KCNB2: variants seen among roughly 807,000 people sequenced by gnomAD.
KCNB2 encodes delayed rectifier potassium channel protein.
A neutral mutation model predicts 61.5 loss-of-function variants in KCNB2; 15 were observed. The ratio of observed to expected loss-of-function variants is 0.24; its 90% CI spans 0.16 to 0.38. The LOEUF is 0.38. Ranked by LOEUF, KCNB2 falls within the 10% of genes least tolerant of loss-of-function variation. The pLI is 1.00. For synonymous variants in KCNB2, 457 were observed against 446.0 expected (o/e 1.02, Z -0.31); for missense variants, 828 against 1,125.2 (o/e 0.74, Z 3.78).
At chr8:72,851,845 A>AAAC (rs1810121312) in intron 2 of KCNB2, among the ~76,000 whole-genome samples, 2 of 147,914 alleles carry the variant, frequency 1.4e-5, no homozygotes, top group African/African-American at 5.1e-5. Flanking sequence ...AAAAAAAAAA[A>AAAC]AAACACGTAC....
intron 2 of KCNB2, among the ~76,000 whole-genome samples, chr8:72,792,921 T>G (rs1808970098): frequency 6.6e-6 from 1 of 152,232 alleles, no homozygotes; most frequent in Non-Finnish European, 1.5e-5. Context: ...TGATTAAATA[T>G]CTTAGAATTT....
chr8:72,672,929 C>T (rs1806589397), intron 2 of KCNB2, among the ~76,000 whole-genome samples: 1 of 152,140 alleles, frequency 6.6e-6, no homozygotes, highest in African/African-American at 2.4e-5. Flanking sequence ...AATTAGAACT[C>T]TTGTGCCTTG....
intron 2 of KCNB2, among the ~76,000 whole-genome samples, chr8:72,600,515 G>A (rs1246234000): frequency 1.3e-5 from 2 of 151,744 alleles, no homozygotes; most frequent in East Asian, 3.9e-4. Flanking sequence ...AATGGGTGCA[G>A]CACACTAACA....
Position 72,835,032 on chromosome 8 carries a change from C to A in KCNB2, c.580-100903C>A, listed in dbSNP as rs117558807. ...GTGAGGCTCATTCCTCCTGTTCCAA[C>A]AACAATTTTACCTTTGTAGAGTAAC... On this transcript the variant is annotated intron_variant, in intron 2 of 2. Transcript: ENST00000523207. Among the ~76,000 whole-genome samples, 220 of 152,192 alleles carry A rather than the reference C, an allele frequency of 1.4e-3. 4 individuals carry two copies. The East Asian group carries it at 0.033, about 23-fold the overall frequency.
chr8:72,570,991 A>G (rs930055422), intron 2 of KCNB2, among the ~76,000 whole-genome samples: 3 of 152,240 alleles, frequency 2.0e-5, no homozygotes, highest in East Asian at 1.9e-4. Flanking sequence ...CTGGGATTTC[A>G]TATTATTGAA....
intron 2 of KCNB2, among the ~76,000 whole-genome samples, chr8:72,571,009 TTG>T (rs1465676100): frequency 6.6e-6 from 1 of 152,240 alleles, no homozygotes; most frequent in African/African-American, 2.4e-5. Flanking sequence ...GAAAATATTC[TTG>T]TGTTTTTCTC....
chr8:72,924,630 G>A (rs189533554), intron 2 of KCNB2, among the ~76,000 whole-genome samples: 51 of 152,116 alleles, frequency 3.4e-4, no homozygotes, highest in African/African-American at 1.1e-3. Context: ...GAAAATGTCC[G>A]CATCAGACAG....
chr8:72,742,926 G>A (rs549289129), intron 2 of KCNB2, among the ~76,000 whole-genome samples: 1 of 152,320 alleles, frequency 6.6e-6, no homozygotes, highest in African/African-American at 2.4e-5. Context: ...TGCCATTGGG[G>A]TTGGGGTGGA....
intron 2 of KCNB2, among the ~76,000 whole-genome samples, chr8:72,929,801 T>C (rs1806739318): frequency 6.6e-6 from 1 of 152,132 alleles, no homozygotes; most frequent in Admixed American, 6.5e-5. Context: ...TTTTTTTATT[T>C]CTTTTTTTAT....
chr8:72,717,519 A>G (rs541547071), intron 2 of KCNB2, among the ~76,000 whole-genome samples: 2 of 152,372 alleles, frequency 1.3e-5, no homozygotes, highest in Non-Finnish European at 2.9e-5. Flanking sequence ...CAAATCTACA[A>G]GTATTCGATC....
intron 2 of KCNB2, among the ~76,000 whole-genome samples, chr8:72,665,347 G>A (rs1806450523): frequency 6.6e-6 from 1 of 152,178 alleles, no homozygotes; most frequent in South Asian, 2.1e-4. Flanking sequence ...CGCTGGGAGG[G>A]TGGAGTTGTC....
rs1052579418 is a variant in KCNB2, at chr8:72,795,238, A to C, written c.580-140697A>C. 1.3e-5 allele frequency among the ~76,000 whole-genome samples: 2 copies of C among 152,362 alleles called. 1 individual carries two copies. Among genetic ancestry groups the C allele is most frequent in the South Asian group, 4.1e-4 (2 of 4,828 alleles). On this transcript the variant is annotated intron_variant, in intron 2 of 2. Coordinates refer to ENST00000523207, the MANE Select transcript of KCNB2 (RefSeq NM_004770.3). ...AAAGTAGACAAATAGTGACTCAATA[A>C]ATTTTACGTATTTTCTACTTGCCTA...
chr8:72,640,656 A>C (rs531146063), intron 2 of KCNB2, among the ~76,000 whole-genome samples: 1 of 152,134 alleles, frequency 6.6e-6, no homozygotes, highest in East Asian at 1.9e-4. Context: ...ATAGGAGACT[A>C]TAAGAAAGTC....
At chr8:72,682,492 C>A (rs1403131448) in intron 2 of KCNB2, among the ~76,000 whole-genome samples, 1 of 151,662 alleles carries the variant, frequency 6.6e-6, no homozygotes, top group Non-Finnish European at 1.5e-5. Flanking sequence ...AGTAAAAAAT[C>A]CCATATTTGA....
At chr8:72,909,167 T>C (rs1407999983) in intron 2 of KCNB2, among the ~76,000 whole-genome samples, 2 of 152,098 alleles carry the variant, frequency 1.3e-5, no homozygotes, top group African/African-American at 4.8e-5. Flanking sequence ...CAACTCCATG[T>C]GGTAAGTGTT....
intron 1 of KCNB2, among the ~76,000 whole-genome samples, chr8:72,555,464 G>A (rs574960809): frequency 4.0e-5 from 6 of 151,654 alleles, no homozygotes; most frequent in East Asian, 1.9e-4. Flanking sequence ...TTGTAAAACC[G>A]AATCCATCAC....
At chr8:72,790,420 G>A (rs982864644) in intron 2 of KCNB2, among the ~76,000 whole-genome samples, 1 of 152,192 alleles carries the variant, frequency 6.6e-6, no homozygotes, top group African/African-American at 2.4e-5. Flanking sequence ...TGCCACAGAG[G>A]ATAAGTGAGG....
chr8:72,729,839 T>C (rs1443475542), intron 2 of KCNB2, among the ~76,000 whole-genome samples: 10 of 151,726 alleles, frequency 6.6e-5, no homozygotes, highest in Non-Finnish European at 1.3e-4. Context: ...GCTGAGATCA[T>C]GTGTCATTAC....
chr8:72,699,076 A>T (rs1276158959), intron 2 of KCNB2, among the ~76,000 whole-genome samples: 6 of 152,206 alleles, frequency 3.9e-5, no homozygotes, highest in Non-Finnish European at 7.3e-5. Flanking sequence ...TAACATACAG[A>T]ATGGAAGAAA....
Sources: gnomAD v4.1 joint callset for allele counts (sites outside exome capture counted in the v4.1 genomes callset) on GRCh38, gnomAD v4.1.1 for gene constraint, MANE v1.5 for transcripts, NCBI Gene and HGNC (gene_info 2026-07-23, HGNC 2026-07-21) for gene names.